The following MTCL1 variants were observed in gnomAD, a reference collection of about 807,000 sequenced individuals.
MTCL1 encodes microtubule cross-linking factor 1.
Under a neutral mutation model 141.4 loss-of-function variants are expected in MTCL1, and 79 were observed. That is an observed-to-expected ratio of 0.56 (90% CI 0.47 to 0.67). MTCL1 has a LOEUF of 0.67. Among genes scored for constraint, MTCL1 ranks in the 30% least tolerant of loss-of-function variants. MTCL1 has a pLI of 0.00. For missense variants in MTCL1, 2,177 were observed against 2,113.9 expected (o/e 1.03, Z -0.59); for synonymous variants, 914 against 875.8 (o/e 1.04, Z -0.77).
At chr18:8,756,680 A>G (rs1277433526) in intron 4 of MTCL1, among the ~76,000 whole-genome samples, 1 of 152,126 alleles carries the variant, frequency 6.6e-6, no homozygotes, top group Non-Finnish European at 1.5e-5. Context: ...GGAAGAAAGG[A>G]AAAATAGGAG....
chr18:8,720,603 G>A (rs2096164231), intron 4 of MTCL1, 107 bp downstream of exon 3: 14 of 1,117,530 alleles, frequency 1.3e-5, no homozygotes, highest in South Asian at 6.5e-5. Flanking sequence ...TTGGCAAATC[G>A]TGGCCTGTTT....
chr18:8,706,092 T>A (rs1397839386), exon 1 of MTCL1: 1 of 1,204,612 alleles, frequency 8.3e-7, no homozygotes, highest in African/African-American at 1.6e-5. Context: ...TGTCCCGGGC[T>A]GGGAAGCCTC....
At chr18:8,748,618 A>AAT (rs1421932058) in intron 4 of MTCL1, among the ~76,000 whole-genome samples, 1 of 151,994 alleles carries the variant, frequency 6.6e-6, no homozygotes, top group East Asian at 1.9e-4. Context: ...ATATATTCTG[A>AAT]ATATATATAT....
At chr18:8,781,898 C>T (rs1394882751) in intron 5 of MTCL1, among the ~76,000 whole-genome samples, 4 of 152,176 alleles carry the variant, frequency 2.6e-5, no homozygotes, top group African/African-American at 7.2e-5. Context: ...CTCCCGAGGA[C>T]GCACAGATAG....
At chr18:8,761,824 C>T (rs1448481835) in intron 4 of MTCL1, among the ~76,000 whole-genome samples, 1 of 152,146 alleles carries the variant, frequency 6.6e-6, no homozygotes, top group East Asian at 1.9e-4. Context: ...GAAAGACCTG[C>T]CCCCATGATT....
intron 7 of MTCL1, among the ~76,000 whole-genome samples, chr18:8,791,201 C>T (rs1403018125): frequency 1.3e-5 from 2 of 152,132 alleles, no homozygotes; most frequent in African/African-American, 4.8e-5. Context: ...ACAAGAGAAG[C>T]ATCTGCCTGC....
intron 1 of MTCL1, among the ~76,000 whole-genome samples, chr18:8,710,877 T>C (rs543925836): frequency 6.0e-4 from 38 of 63,778 alleles, no homozygotes; most frequent in Middle Eastern, 6.9e-3. Context: ...TCTTTTTTCT[T>C]TTTTTTTTTA....
rs1332348002 is a variant in MTCL1 at position 8,824,679 on chromosome 18, C to T, written c.3189-20C>T. 2.5e-6 allele frequency: 4 copies of T among 1,588,916 alleles called. No individual in the cohort carries two copies. The highest frequency in any genetic ancestry group is 1.2e-5 in the South Asian group (1 of 85,536). ...AGGCTCCCTGGCAGGTACTGACACC[C>T]TCTTTTCTGCTTTTCCCAGGGCGGT... On this transcript the variant is annotated intron_variant, in intron 14 of 16. Transcript: ENST00000359865.
At chr18:8,776,269 C>T (rs1246418997) in intron 4 of MTCL1, among the ~76,000 whole-genome samples, 2 of 152,166 alleles carry the variant, frequency 1.3e-5, no homozygotes, top group East Asian at 1.9e-4. Flanking sequence ...TCCCCACCTG[C>T]TTCCTTCTAG....
At chr18:8,813,508 C>T (rs1190624163) in intron 12 of MTCL1, among the ~76,000 whole-genome samples, 3 of 151,648 alleles carry the variant, frequency 2.0e-5, no homozygotes, top group East Asian at 3.9e-4. Flanking sequence ...CTTGTGGGAG[C>T]GGGGGGATAA....
intron 1 of MTCL1, among the ~76,000 whole-genome samples, chr18:8,711,078 C>T (rs1485633603): frequency 6.6e-6 from 1 of 151,622 alleles, no homozygotes; most frequent in Non-Finnish European, 1.5e-5. Context: ...TGTGATATTC[C>T]CCTTCCTGTG....
intron 4 of MTCL1, among the ~76,000 whole-genome samples, chr18:8,775,059 C>A (rs374519274): frequency 2.1e-4 from 32 of 152,094 alleles, no homozygotes; most frequent in Non-Finnish European, 4.0e-4. Flanking sequence ...CATGATTCTG[C>A]GTAGATTTTG....
chr18:8,805,064 A>G (rs2076248509), intron 10 of MTCL1, among the ~76,000 whole-genome samples: 1 of 149,988 alleles, frequency 6.7e-6, no homozygotes, highest in Non-Finnish European at 1.5e-5. Context: ...ATCTGCTCAT[A>G]TTAAAGAATT....
chr18:8,717,162 G>A (rs11662122), upstream of MTCL1, among the ~76,000 whole-genome samples: 5,925 of 152,294 alleles, frequency 0.039, 163 homozygotes, highest in Middle Eastern at 0.068. Context: ...AGACAGACAA[G>A]CTTGCTCCCC....
rs199831945 is a variant in MTCL1 at position 8,792,993 on chromosome 18, A to G, written c.1888-5A>G. 1.4e-3 allele frequency: 2,238 copies of G among 1,613,574 alleles called. 1 individual carries two copies. The highest frequency in any genetic ancestry group is 3.2e-3 in the Middle Eastern group (19 of 5,908). On this transcript the variant is annotated splice_polypyrimidine_tract_variant and splice_region_variant and intron_variant, in intron 7 of 16. Coordinates refer to ENST00000359865, the Ensembl canonical transcript of MTCL1. ...CTAAACCCCTTCCTTTATCCCACCGATCAGCTCAGGGGCCCCCCCGTTTTA... is the reference window on the plus strand; with the variant it reads ...CTAAACCCCTTCCTTTATCCCACCGGTCAGCTCAGGGGCCCCCCCGTTTTA...
intron 13 of MTCL1, among the ~76,000 whole-genome samples, chr18:8,819,941 T>C (rs2076787523): frequency 6.6e-6 from 1 of 152,042 alleles, no homozygotes; most frequent in African/African-American, 2.4e-5. Flanking sequence ...AGTACAGTCT[T>C]CTGAGTCTAG....
chr18:8,754,086 T>G (rs2096385249), intron 4 of MTCL1, among the ~76,000 whole-genome samples: 1 of 152,212 alleles, frequency 6.6e-6, no homozygotes, highest in East Asian at 1.9e-4. Flanking sequence ...ATTTATTTAT[T>G]TTGAGACACG....
intron 13 of MTCL1, 84 bp downstream of exon 12, chr18:8,819,343 T>C: frequency 1.4e-6 from 2 of 1,442,242 alleles, no homozygotes; most frequent in Non-Finnish European, 1.9e-6. Flanking sequence ...GCCAGATTCC[T>C]CTCCTGGCAG....
chr18:8,715,977 C>G (rs138701191), upstream of MTCL1, among the ~76,000 whole-genome samples: 1 of 152,290 alleles, frequency 6.6e-6, no homozygotes, highest in Non-Finnish European at 1.5e-5. Context: ...CTGATCAGCT[C>G]CTATGCTCAG....
Sources: gnomAD v4.1 joint callset for allele counts (sites outside exome capture counted in the v4.1 genomes callset) on GRCh38, gnomAD v4.1.1 for gene constraint, MANE v1.5 for transcripts, NCBI Gene and HGNC (gene_info 2026-07-23, HGNC 2026-07-21) for gene names.